The following RARB variants were observed in gnomAD, a reference collection of about 807,000 sequenced individuals.
The protein encoded by RARB is retinoic acid receptor beta.
Under a neutral mutation model 51.9 loss-of-function variants are expected in RARB, and 17 were observed. The ratio of observed to expected loss-of-function variants is 0.33; its 90% confidence interval spans 0.22 to 0.49. RARB has a LOEUF of 0.49. Among genes scored for constraint, RARB ranks in the 20% least tolerant of loss-of-function variants. The pLI, the probability that RARB is intolerant of heterozygous loss-of-function variation, is 0.99. For synonymous variants in RARB, 215 were observed against 195.4 expected (o/e 1.10, Z -0.84); for missense variants, 369 against 550.8 (o/e 0.67, Z 3.30).
intron 5 of RARB, among the ~76,000 whole-genome samples, chr3:25,251,618 T>G (rs1702723258): frequency 6.6e-6 from 1 of 152,314 alleles, no homozygotes; most frequent in South Asian, 2.1e-4. Context: ...CTAATGATGT[T>G]GGACAGGTTT....
At chr3:25,559,299 G>A (rs142140855) in intron 3 of RARB, among the ~76,000 whole-genome samples, 2 of 152,148 alleles carry the variant, frequency 1.3e-5, no homozygotes, top group Non-Finnish European at 2.9e-5. Context: ...ATAAGACCTA[G>A]CATATTCTTA....
In RARB at chr3:25,470,355, A is replaced by C. The variant is rs202224172; in HGVS notation, c.306+9014A>C. On this transcript the variant is annotated intron_variant, in intron 2 of 7. Coordinates refer to ENST00000330688, the MANE Select transcript of RARB (RefSeq NM_000965.5). ...ATGGTAAATATTCATTGGATGGATG[A>C]ATGAATGAGCAAGGAAACAGTGTGG... 5.9e-5 allele frequency among the ~76,000 whole-genome samples: 9 copies of C among 152,338 alleles called. 1 individual carries two copies. In the East Asian group the frequency reaches 1.7e-3, roughly 29 times the overall value.
At chr3:25,459,995 T>A (rs1263469016) in intron 1 of RARB, among the ~76,000 whole-genome samples, 1 of 152,230 alleles carries the variant, frequency 6.6e-6, no homozygotes, top group Non-Finnish European at 1.5e-5. Context: ...ACCCCGTTCT[T>A]ATATTTTGTG....
chr3:25,583,153 T>G (rs1701250392), intron 5 of RARB, among the ~76,000 whole-genome samples: 1 of 152,168 alleles, frequency 6.6e-6, no homozygotes, highest in Non-Finnish European at 1.5e-5. Context: ...TTCGAAGGAA[T>G]ACCCATTTGG....
At chr3:24,905,252 T>G (rs1037693094) in intron 2 of RARB, among the ~76,000 whole-genome samples, 1 of 152,174 alleles carries the variant, frequency 6.6e-6, no homozygotes. Flanking sequence ...GCCCTGGGGG[T>G]TTGTGATATG....
At chr3:25,164,804 C>A (rs1700534067) in intron 4 of RARB, among the ~76,000 whole-genome samples, 1 of 152,158 alleles carries the variant, frequency 6.6e-6, no homozygotes, top group African/African-American at 2.4e-5. Context: ...TATGCTGTGT[C>A]TGTTTTTAAC....
intron 2 of RARB, among the ~76,000 whole-genome samples, chr3:24,866,561 C>G (rs1427587087): frequency 6.6e-6 from 1 of 152,054 alleles, no homozygotes; most frequent in African/African-American, 2.4e-5. Context: ...CTGACCAAAC[C>G]AGAATCAGCA....
At chr3:24,864,325 T>G (rs1702809645) in intron 2 of RARB, among the ~76,000 whole-genome samples, 1 of 152,206 alleles carries the variant, frequency 6.6e-6, no homozygotes, top group Non-Finnish European at 1.5e-5. Flanking sequence ...TTCTTTTCCT[T>G]TGCCATTCAG....
chr3:25,409,639 G>T (rs559673165), intron 5 of RARB, among the ~76,000 whole-genome samples: 1 of 152,112 alleles, frequency 6.6e-6, no homozygotes, highest in Non-Finnish European at 1.5e-5. Flanking sequence ...CACCAAAGAG[G>T]TATACAGAGT....
intron 3 of RARB, among the ~76,000 whole-genome samples, chr3:25,558,489 C>G (rs1371175260): frequency 2.7e-5 from 4 of 150,536 alleles, no homozygotes; most frequent in Admixed American, 1.3e-4. Flanking sequence ...TTTCCCTTTC[C>G]CATCAACTAC....
At chr3:25,396,938 C>G (rs1707131903) in intron 5 of RARB, among the ~76,000 whole-genome samples, 1 of 152,144 alleles carries the variant, frequency 6.6e-6, no homozygotes, top group Admixed American at 6.5e-5. Context: ...TGGCTGAGAT[C>G]TTGCCCCAGG....
intron 5 of RARB, among the ~76,000 whole-genome samples, chr3:25,415,719 A>T (rs1174303256): frequency 6.6e-6 from 1 of 152,208 alleles, no homozygotes; most frequent in African/African-American, 2.4e-5. Flanking sequence ...ACAACAGTAG[A>T]TCATAGTCTC....
chr3:25,536,345 A>G (rs1699139806), intron 3 of RARB, among the ~76,000 whole-genome samples: 1 of 152,216 alleles, frequency 6.6e-6, no homozygotes, highest in South Asian at 2.1e-4. Context: ...AAGACACGAC[A>G]CTGGAATAAA....
chr3:25,541,388 A>G (rs1247297013), intron 3 of RARB, among the ~76,000 whole-genome samples: 1 of 150,852 alleles, frequency 6.6e-6, no homozygotes, highest in African/African-American at 2.4e-5. Flanking sequence ...TCTGACCTTT[A>G]CTCTCCTGTA....
intron 5 of RARB, among the ~76,000 whole-genome samples, chr3:25,355,600 A>T (rs1424594620): frequency 4.6e-5 from 7 of 152,076 alleles, no homozygotes; most frequent in African/African-American, 1.4e-4. Context: ...AATTGTCATT[A>T]TTCTATAGAT....
intron 3 of RARB, among the ~76,000 whole-genome samples, chr3:25,096,113 A>G (rs1403793052): frequency 1.3e-5 from 2 of 152,014 alleles, no homozygotes; most frequent in African/African-American, 2.4e-5. Flanking sequence ...ATATTAACCA[A>G]TTTCCCTAAT....
chr3:24,866,046 A>G (rs1263583769), intron 2 of RARB, among the ~76,000 whole-genome samples: 1 of 152,122 alleles, frequency 6.6e-6, no homozygotes, highest in African/African-American at 2.4e-5. Context: ...TTGGTCCTGA[A>G]TGCCACAGGG....
chr3:25,256,995 C>G (rs1702882960), intron 5 of RARB, among the ~76,000 whole-genome samples: 1 of 151,992 alleles, frequency 6.6e-6, no homozygotes, highest in Non-Finnish European at 1.5e-5. Context: ...TAAGGACTAT[C>G]CTAAAAGCTC....
chr3:25,081,625 T>A (rs866985344), intron 3 of RARB, among the ~76,000 whole-genome samples: 307 of 37,686 alleles, frequency 8.1e-3, no homozygotes, highest in East Asian at 0.017. Flanking sequence ...ATATATATTT[T>A]TTTTTTTTTT....
Sources: allele counts gnomAD v4.1 joint callset (sites outside exome capture counted in the v4.1 genomes callset), GRCh38; gene constraint gnomAD v4.1.1; transcripts MANE v1.5; gene names NCBI Gene and HGNC (gene_info 2026-07-23, HGNC 2026-07-21).